Variants in FGF2 observed in about 807,000 individuals in gnomAD.
FGF2 encodes fibroblast growth factor 2, also known as basic fibroblast growth factor bFGF.
A neutral mutation model predicts 15.9 loss-of-function variants in FGF2; 13 were observed. The ratio of observed to expected loss-of-function variants is 0.82; its 90% CI spans 0.53 to 1.30. FGF2 has a LOEUF of 1.30. FGF2 is among the 50% of genes most tolerant of loss of function. The probability of loss-of-function intolerance (pLI) is 0.00; values close to 1 mark genes in which losing one functional copy is unlikely to be tolerated. For missense variants in FGF2, 163 were observed against 196.9 expected, an observed-to-expected ratio of 0.83 and a Z score of 1.03; for synonymous variants, 90 against 78.4, an observed-to-expected ratio of 1.15 and a Z score of -0.78.
At chr4:122,831,537 G>T (rs308409) in intron 1 of FGF2, among the ~76,000 whole-genome samples, 11,610 of 152,176 alleles carry the variant, frequency 0.076, 811 homozygotes, top group South Asian at 0.2. Context: ...CTTAATGAAC[G>T]TGATATTTAC....
At chr4:122,848,374 T>C (rs1406328249) in intron 1 of FGF2, among the ~76,000 whole-genome samples, 1 of 152,202 alleles carries the variant, frequency 6.6e-6, no homozygotes, top group Non-Finnish European at 1.5e-5. Context: ...ATAGGAATAA[T>C]AATCTTATTC....
intron 1 of FGF2, among the ~76,000 whole-genome samples, chr4:122,862,787 A>G (rs1240945534): frequency 1.3e-5 from 2 of 152,212 alleles, no homozygotes; most frequent in East Asian, 3.8e-4. Flanking sequence ...ACAATATTTT[A>G]AAAAATTGAA....
rs1727277539 is a variant in FGF2, at chr4:122,894,143, T to G, written c.*1747T>G. The G allele has an allele frequency of 6.6e-6, 1 of 152,238 alleles. No individual in the cohort carries two copies. The highest frequency in any genetic ancestry group is 6.5e-5 in the Admixed American group (1 of 15,284). The allele number at this position is 152,238 out of a possible 1,614,324, so 9.4% of individuals were successfully genotyped here. On this transcript the variant is annotated 3_prime_UTR_variant, in exon 3 of 3. Transcript: ENST00000644866. ...CCATCCCCTGGATATGCTCTTGTTT[T>G]TTCCCTCTAATAGCTATGGAAAGAT...
At chr4:122,841,230 G>T (rs901150833) in intron 1 of FGF2, among the ~76,000 whole-genome samples, 3 of 152,176 alleles carry the variant, frequency 2.0e-5, no homozygotes, top group Non-Finnish European at 1.5e-5. Context: ...CACCCTCTTT[G>T]TTTAAACATT....
chr4:122,871,841 T>TC (rs1726742879), intron 1 of FGF2, among the ~76,000 whole-genome samples: 1 of 125,926 alleles, frequency 7.9e-6, no homozygotes, highest in Non-Finnish European at 1.7e-5. Context: ...CAACAAAAAA[T>TC]CCCCCACAAA....
intron 1 of FGF2, among the ~76,000 whole-genome samples, chr4:122,843,274 G>A (rs1726035603): frequency 6.6e-6 from 1 of 152,236 alleles, no homozygotes; most frequent in Non-Finnish European, 1.5e-5. Flanking sequence ...GGGCGGGGAA[G>A]GGCAGGAAGG....
At chr4:122,847,184 C>T (rs572351211) in intron 1 of FGF2, among the ~76,000 whole-genome samples, 6 of 152,224 alleles carry the variant, frequency 3.9e-5, no homozygotes, top group Admixed American at 3.3e-4. Flanking sequence ...CAAAGCACAC[C>T]AAAAATCTAA....
At position 122,867,586 on chromosome 4, in the gene FGF2, C is replaced by G. The variant is rs149178032; in HGVS notation, c.179-8735C>G. On this transcript the variant is annotated intron_variant, in intron 1 of 2. Coordinates refer to ENST00000644866, the MANE Select transcript of FGF2 (RefSeq NM_001361665.2). ...GTCTCAAACCCTGGGCTCAAGTGATCTGCCTGCCAAGGCCTCCCAGAGTGC... is the reference window on the plus strand; with the variant it reads ...GTCTCAAACCCTGGGCTCAAGTGATGTGCCTGCCAAGGCCTCCCAGAGTGC... 3.2e-3 allele frequency among the ~76,000 whole-genome samples: 493 copies of G among 152,276 alleles called. 2 individuals carry two copies. The highest frequency in any genetic ancestry group is 0.014 in the Middle Eastern group (4 of 294).
Position 122,893,363 on chromosome 4 carries a change from C to A in FGF2, c.*967C>A, listed in dbSNP as rs1727249659. The A allele has an allele frequency of 3.8e-6, 3 of 793,670 alleles. No individual in the cohort carries two copies. Among genetic ancestry groups the A allele is most frequent in the Non-Finnish European group, 5.5e-6 (3 of 541,298 alleles). 49.2% of individuals were successfully genotyped at this position (793,670 alleles called of 1,614,324 possible). A position where few individuals can be genotyped will look rare whatever the true frequency, so the allele number is the denominator to read the frequency against. ...CAAAGTAAAGTTTTCAATACAAATTCTTTGCCTTGTGGATATCAAGAAATC... is the reference window on the plus strand; with the variant it reads ...CAAAGTAAAGTTTTCAATACAAATTATTTGCCTTGTGGATATCAAGAAATC... On this transcript the variant is annotated 3_prime_UTR_variant, in exon 3 of 3. Transcript: ENST00000644866.
At chr4:122,845,232 C>T (rs139259983) in intron 1 of FGF2, among the ~76,000 whole-genome samples, 11 of 152,170 alleles carry the variant, frequency 7.2e-5, no homozygotes, top group Non-Finnish European at 1.2e-4. Flanking sequence ...CAGTAAACCA[C>T]GATGTAAACA....
chr4:122,877,981 G>A (rs1249859008), intron 2 of FGF2, among the ~76,000 whole-genome samples: 1 of 152,112 alleles, frequency 6.6e-6, no homozygotes, highest in East Asian at 1.9e-4. Context: ...TTGGGGGGAG[G>A]TAGTTGAATA....
chr4:122,875,079 AC>A (rs1376263345), intron 1 of FGF2, among the ~76,000 whole-genome samples: 1 of 152,178 alleles, frequency 6.6e-6, no homozygotes, highest in African/African-American at 2.4e-5. Context: ...AAATTATTTG[AC>A]ACCAGAACCT....
intron 2 of FGF2, among the ~76,000 whole-genome samples, chr4:122,877,719 C>T (rs45572737): frequency 0.022 from 3,304 of 152,284 alleles, 61 homozygotes; most frequent in Non-Finnish European, 0.036. Context: ...TATATAACCT[C>T]CCCACAGAAA....
intron 1 of FGF2, among the ~76,000 whole-genome samples, chr4:122,842,152 T>C (rs1182535545): frequency 6.6e-6 from 1 of 152,172 alleles, no homozygotes; most frequent in Non-Finnish European, 1.5e-5. Context: ...CTAGGTTAGG[T>C]AGGACAGACA....
intron 1 of FGF2, among the ~76,000 whole-genome samples, chr4:122,864,959 A>G (rs10000779): frequency 0.15 from 23,476 of 152,182 alleles, 1,946 homozygotes; most frequent in Middle Eastern, 0.22. Flanking sequence ...TTTAAATATC[A>G]CAATGCATGT....
chr4:122,860,447 C>CTTTTTT lies in FGF2; in HGVS notation c.179-15854_179-15849dup, dbSNP rs34541038. The stretch of plus-strand genomic sequence containing the variant: ...TTCACCTAGATTTCCCTAAGGTTAA[C>CTTTTTT]TTTTTTTTTTTTTTTTTTTTTTTTT... On this transcript the variant is annotated intron_variant, in intron 1 of 2. Transcript: ENST00000644866. Among the ~76,000 whole-genome samples, 40 of 90,932 alleles carry CTTTTTT rather than the reference C, an allele frequency of 4.4e-4. 2 individuals are homozygous for CTTTTTT. Among genetic ancestry groups the CTTTTTT allele is most frequent in the Non-Finnish European group, 6.3e-4 (32 of 50,426 alleles). The allele number at this position is 90,932 out of a possible 152,430, so 59.7% of individuals were successfully genotyped here.
chr4:122,829,337 G>A (rs1053296962), intron 1 of FGF2, among the ~76,000 whole-genome samples: 1 of 152,120 alleles, frequency 6.6e-6, no homozygotes, highest in Non-Finnish European at 1.5e-5. Flanking sequence ...GCTGTAACCT[G>A]GAAGGGTGCT....
Position 122,893,180 on chromosome 4 carries a change from G to A in FGF2, c.*784G>A. On this transcript the variant is annotated 3_prime_UTR_variant, in exon 3 of 3. Transcript: ENST00000644866. ...AATACTCAGGACGGACCTGAATTCT[G>A]ATTTTATACCAGTCTCTTCAAAAAC... is the stretch of plus-strand genomic sequence containing the variant. 1 of 1,613,700 alleles carries A rather than the reference G, an allele frequency of 6.2e-7. No individual in the cohort carries two copies. The highest frequency in any genetic ancestry group is 8.5e-7 in the Non-Finnish European group (1 of 1,179,802).
In FGF2 at chr4:122,896,965, T is replaced by TTC; in HGVS notation, c.*4569_*4570insTC. 6.6e-6 allele frequency: 1 copy of TTC among 152,310 alleles called. No individual in the cohort carries two copies. Among genetic ancestry groups the TTC allele is most frequent in the South Asian group, 2.1e-4 (1 of 4,822 alleles). The allele number at this position is 152,310 out of a possible 1,614,324, so 9.4% of individuals were successfully genotyped here. On this transcript the variant is annotated 3_prime_UTR_variant, in exon 3 of 3. Coordinates refer to ENST00000644866, the MANE Select transcript of FGF2 (RefSeq NM_001361665.2). ...AAGGAATAGGTAGGAAAATTTGGTT[T>TTC]CTATTTTTCGATTTCCTGTAAATCA...
Sources: allele counts gnomAD v4.1 joint callset (sites outside exome capture counted in the v4.1 genomes callset), GRCh38; gene constraint gnomAD v4.1.1; transcripts MANE v1.5; gene names NCBI Gene and HGNC (gene_info 2026-07-23, HGNC 2026-07-21).